ZNF214: variants seen among roughly 807,000 people sequenced by gnomAD.
The protein encoded by ZNF214 is zinc finger protein 214.
In ZNF214, 43 loss-of-function variants were observed where a neutral mutation model predicts 53.9. That is an observed-to-expected ratio of 0.80 (90% confidence interval 0.63 to 1.03). The LOEUF is 1.03. Among genes scored for constraint, ZNF214 ranks in the 50% least tolerant of loss-of-function variants. The probability of loss-of-function intolerance (pLI) is 0.00; values close to 1 mark genes in which losing one functional copy is unlikely to be tolerated. For synonymous variants in ZNF214, 217 were observed against 229.5 expected (o/e 0.95, Z 0.49); for missense variants, 724 against 719.1 (o/e 1.01, Z -0.08).
intron 1 of ZNF214, among the ~76,000 whole-genome samples, chr11:7,017,115 A>G (rs952333379): frequency 2.0e-5 from 3 of 152,212 alleles, no homozygotes; most frequent in Non-Finnish European, 4.4e-5. Context: ...AAGGCAATTC[A>G]TCAAAGAAGG....
chr11:7,000,465 T>C lies in ZNF214; in HGVS notation c.1218A>G (p.Leu406=), dbSNP rs1193041018. ...TATAAGACTTCTCTCCTGTGTGTAC[T>C]AACTGATGAATTCGAAGATTTGAGC... ...SQSSNLRIHQ[L]VHTGEKSYKC... is the part of the protein sequence containing the mutation. Residue 406 remains leucine, a synonymous_variant, in exon 3 of 3, where the codon TTA becomes TTG. Coordinates refer to ENST00000278314, the MANE Select transcript of ZNF214 (RefSeq NM_013249.4). 2 of 1,613,342 alleles carry C rather than the reference T, an allele frequency of 1.2e-6. No homozygotes were observed. Among genetic ancestry groups the C allele is most frequent in the African/African-American group, 2.7e-5 (2 of 75,002 alleles).
intron 1 of ZNF214, among the ~76,000 whole-genome samples, chr11:7,005,866 A>G (rs1184254767): frequency 6.6e-6 from 1 of 152,092 alleles, no homozygotes; most frequent in Non-Finnish European, 1.5e-5. Flanking sequence ...TGCCATTACA[A>G]ATTTTCTGGT....
intron 1 of ZNF214, among the ~76,000 whole-genome samples, chr11:7,013,154 A>T (rs1851647523): frequency 6.6e-6 from 1 of 152,148 alleles, no homozygotes; most frequent in African/African-American, 2.4e-5. Flanking sequence ...GTCAAGCAAA[A>T]GCTGCATTGT....
At position 6,998,633 on chromosome 11, in the gene ZNF214, T is replaced by G. The variant is rs1851242461; in HGVS notation, c.*1229A>C. Among the ~76,000 whole-genome samples, 1 of 152,010 alleles carries G rather than the reference T, an allele frequency of 6.6e-6. No individual in the cohort carries two copies. The highest frequency in any genetic ancestry group is 2.1e-4 in the South Asian group (1 of 4,828). ...TGTTGTATCTATTTCTCTTTTCACT[T>G]TAGATACTCTTCTCTACTTGTATAT... On this transcript the variant is annotated 3_prime_UTR_variant, in exon 3 of 3. Transcript: ENST00000278314.
At chr11:7,004,887 C>A (rs968717980) in intron 1 of ZNF214, among the ~76,000 whole-genome samples, 3 of 151,964 alleles carry the variant, frequency 2.0e-5, no homozygotes, top group African/African-American at 7.3e-5. Context: ...GATTCCTCAC[C>A]CTCAGAAACT....
At chr11:7,001,624 T>C in intron 2 of ZNF214, 69 bp from the exon 3 acceptor site, 2 of 1,489,716 alleles carry the variant, frequency 1.3e-6, no homozygotes, top group Non-Finnish European at 1.8e-6. Context: ...ACTATCTAAA[T>C]CAATGACCTT....
chr11:7,000,686 T>G lies in ZNF214; in HGVS notation c.997A>C (p.Ile333Leu). Residue 333 changes from isoleucine (I) to leucine (L), a missense_variant, in exon 3 of 3, where the codon ATT (isoleucine) becomes CTT (leucine). Ile to Leu is a conservative substitution (Grantham distance 5). Coordinates refer to ENST00000278314, the MANE Select transcript of ZNF214 (RefSeq NM_013249.4). ...CTACTGAGGTCTTTATCACACTCAA[T>G]TTTATAGAATTTCTCTTCTGTGTGG... is the stretch of plus-strand genomic sequence containing the variant. The part of the protein sequence containing the change: ...RVHTEEKFYK[I>L]ECDKDLSRNS... 6.2e-7 allele frequency: 1 copy of G among 1,602,242 alleles called. No individual in the cohort carries two copies. The highest frequency in any genetic ancestry group is 2.2e-5 in the East Asian group (1 of 44,820).
At chr11:7,017,366 A>G (rs1275593306) in intron 1 of ZNF214, among the ~76,000 whole-genome samples, 1 of 152,200 alleles carries the variant, frequency 6.6e-6, no homozygotes, top group Non-Finnish European at 1.5e-5. Context: ...TATTTCTCAG[A>G]GTATATCTTG....
chr11:7,000,666 G>C lies in ZNF214; in HGVS notation c.1017C>G (p.Leu339=). The part of the protein sequence containing the change: ...KFYKIECDKD[L]SRNSLLHIHQ... ...GAATGTGAAGTAATGAATTTCTACT[G>C]AGGTCTTTATCACACTCAATTTTAT... The change falls in exon 3 of 3, where the codon CTC becomes CTG. Residue 339 remains leucine (L), a synonymous_variant. Coordinates refer to ENST00000278314, the MANE Select transcript of ZNF214 (RefSeq NM_013249.4). The C allele has an allele frequency of 1.9e-6, 3 of 1,599,784 alleles. No individual in the cohort carries two copies. Among genetic ancestry groups the C allele is most frequent in the Middle Eastern group, 1.7e-4 (1 of 5,954 alleles).
At chr11:7,020,010 C>G (rs1042440287) in intron 1 of ZNF214, 63 bp downstream of exon 1, 3 of 152,378 alleles carry the variant, frequency 2.0e-5, no homozygotes, top group Admixed American at 2.0e-4. Flanking sequence ...AACTCTGCCC[C>G]GGCACCGAAC....
intron 1 of ZNF214, among the ~76,000 whole-genome samples, chr11:7,005,130 CTA>C (rs1408940305): frequency 6.6e-6 from 1 of 151,150 alleles, no homozygotes; most frequent in Non-Finnish European, 1.5e-5. Flanking sequence ...ATGATAATGT[CTA>C]TATGATAAAT....
chr11:7,014,737 C>T (rs574461635), intron 1 of ZNF214, among the ~76,000 whole-genome samples: 1 of 147,330 alleles, frequency 6.8e-6, no homozygotes, highest in African/African-American at 2.5e-5. Context: ...GAGGCTGAGG[C>T]AGGCAGGTCA....
intron 1 of ZNF214, among the ~76,000 whole-genome samples, chr11:7,018,228 T>G (rs889383299): frequency 1.9e-4 from 29 of 152,150 alleles, no homozygotes; most frequent in African/African-American, 6.8e-4. Flanking sequence ...AATAACAAAT[T>G]TAAACATTAA....
intron 1 of ZNF214, among the ~76,000 whole-genome samples, chr11:7,007,288 A>G (rs76641781): frequency 0.036 from 5,319 of 147,412 alleles, 149 homozygotes; most frequent in East Asian, 0.13. Flanking sequence ...CTCCACGGGA[A>G]AACAGAAAAT....
At position 7,000,488 on chromosome 11, in the gene ZNF214, A is replaced by G. The variant is rs774010728; in HGVS notation, c.1195T>C (p.Ser399Pro). The change falls in exon 3 of 3, where the codon TCA becomes CCA. Residue 399 changes from serine (S) to proline (P), a missense_variant. Coordinates refer to ENST00000278314, the MANE Select transcript of ZNF214 (RefSeq NM_013249.4). ...ACTAACTGATGAATTCGAAGATTTG[A>G]GCTCTGGCTGAAACCCTTACCACAC... ...DECGKGFSQS[S>P]NLRIHQLVHT... The G allele has an allele frequency of 1.4e-5, 23 of 1,613,026 alleles. No individual in the cohort carries two copies. Among genetic ancestry groups the G allele is most frequent in the South Asian group, 3.3e-5 (3 of 91,016 alleles).
At chr11:7,004,715 C>G (rs1329437770) in intron 1 of ZNF214, among the ~76,000 whole-genome samples, 1 of 152,114 alleles carries the variant, frequency 6.6e-6, no homozygotes, top group Non-Finnish European at 1.5e-5. Context: ...CTGGGACCTT[C>G]TGCTTTCGTT....
At chr11:7,003,062 C>T (rs1851390133) in intron 1 of ZNF214, among the ~76,000 whole-genome samples, 1 of 151,944 alleles carries the variant, frequency 6.6e-6, no homozygotes, top group Non-Finnish European at 1.5e-5. Flanking sequence ...AACACCTATA[C>T]AGCACTTGTC....
At chr11:7,004,497 C>T (rs547124739) in intron 1 of ZNF214, among the ~76,000 whole-genome samples, 2 of 152,162 alleles carry the variant, frequency 1.3e-5, no homozygotes, top group South Asian at 4.1e-4. Flanking sequence ...AAGCCTAATT[C>T]CCCACCCCTT....
Position 7,001,110 on chromosome 11 carries a change from G to C in ZNF214, c.573C>G (p.Ile191Met). The C allele has an allele frequency of 1.2e-6, 2 of 1,613,286 alleles. No homozygotes were observed. Among genetic ancestry groups the C allele is most frequent in the Non-Finnish European group, 1.7e-6 (2 of 1,179,566 alleles). ...EQKLIVQHSY[I>M]PVEEALPQYV... ...ACTGTGGAAGGGCTTCCTCCACTGG[G>C]ATATAAGAATGCTGAACTATGAGCT... Residue 191 changes from isoleucine to methionine, a missense_variant, in exon 3 of 3, where the codon ATC becomes ATG. Transcript: ENST00000278314.
Sources: allele counts gnomAD v4.1 joint callset (sites outside exome capture counted in the v4.1 genomes callset), GRCh38; gene constraint gnomAD v4.1.1; transcripts MANE v1.5; gene names NCBI Gene and HGNC (gene_info 2026-07-23, HGNC 2026-07-21).